Variants in ENTREP2 observed in about 807,000 individuals in gnomAD.
ENTREP2 encodes the protein protein ENTREP2.
At chr15:29,283,794 G>T in the ENTREP2 span, among the ~76,000 whole-genome samples, 3 of 152,308 alleles carry the variant, frequency 2.0e-5, no homozygotes, top group Admixed American at 1.3e-4. Flanking sequence ...AAAAAATGCT[G>T]CCAGAACAGA....
the ENTREP2 span, among the ~76,000 whole-genome samples, chr15:29,369,614 CA>C: frequency 1.0e-4 from 15 of 150,090 alleles, no homozygotes; most frequent in Admixed American, 7.9e-4. Context: ...CACACACACA[CA>C]CCCAGGTGCA....
chr15:29,599,346 G>A, the ENTREP2 span, among the ~76,000 whole-genome samples: 1 of 152,186 alleles, frequency 6.6e-6, no homozygotes, highest in Non-Finnish European at 1.5e-5. Flanking sequence ...GATCACAATG[G>A]TGATGCTCTA....
At chr15:29,528,759 C>G in the ENTREP2 span, among the ~76,000 whole-genome samples, 1 of 152,130 alleles carries the variant, frequency 6.6e-6, no homozygotes, top group East Asian at 1.9e-4. Context: ...GGCCCACTCA[C>G]AGGTAATTCA....
At chr15:29,360,325 C>A in the ENTREP2 span, among the ~76,000 whole-genome samples, 1 of 152,018 alleles carries the variant, frequency 6.6e-6, no homozygotes, top group Non-Finnish European at 1.5e-5. Flanking sequence ...TAGATTTTTT[C>A]TTAATGACTT....
At chr15:29,128,901 C>G in the ENTREP2 span, 6 of 1,475,234 alleles carry the variant, frequency 4.1e-6, no homozygotes, top group Non-Finnish European at 5.5e-6. Context: ...GGCGGCTGGT[C>G]CGTGGGAACG....
chr15:29,128,416 G>T, the ENTREP2 span, among the ~76,000 whole-genome samples: 1 of 152,162 alleles, frequency 6.6e-6, no homozygotes, highest in Non-Finnish European at 1.5e-5. Flanking sequence ...AGAGGGAGGT[G>T]CCGTGTGGAC....
chr15:29,138,076 C>T, the ENTREP2 span, among the ~76,000 whole-genome samples: 14 of 152,130 alleles, frequency 9.2e-5, no homozygotes, highest in African/African-American at 3.1e-4. Context: ...CCCAGCATTT[C>T]TCAAATATTT....
At chr15:29,243,113 G>A in the ENTREP2 span, among the ~76,000 whole-genome samples, 2 of 152,178 alleles carry the variant, frequency 1.3e-5, no homozygotes, top group African/African-American at 2.4e-5. Flanking sequence ...AGTTTATGTT[G>A]TAAGAAGCTC....
chr15:29,380,645 C>T, the ENTREP2 span, among the ~76,000 whole-genome samples: 3 of 152,120 alleles, frequency 2.0e-5, no homozygotes, highest in Non-Finnish European at 4.4e-5. Context: ...CCATCTCCCG[C>T]GTGGCCTGCT....
the ENTREP2 span, among the ~76,000 whole-genome samples, chr15:29,626,338 C>A: frequency 6.6e-6 from 1 of 152,088 alleles, no homozygotes; most frequent in African/African-American, 2.4e-5. Flanking sequence ...GGGCGGTTTC[C>A]CCCATACTGT....
chr15:29,169,246 A>G, the ENTREP2 span, among the ~76,000 whole-genome samples: 1 of 152,182 alleles, frequency 6.6e-6, no homozygotes, highest in Non-Finnish European at 1.5e-5. Flanking sequence ...ACAAAACACC[A>G]TTTTTAAATA....
At chr15:29,251,276 C>A in the ENTREP2 span, among the ~76,000 whole-genome samples, 2 of 152,222 alleles carry the variant, frequency 1.3e-5, no homozygotes, top group South Asian at 2.1e-4. Context: ...CCCAGGGAAC[C>A]ACAGTCCTAT....
At chr15:29,300,296 GTA>G in the ENTREP2 span, among the ~76,000 whole-genome samples, 2 of 41,644 alleles carry the variant, frequency 4.8e-5, no homozygotes, top group Non-Finnish European at 4.9e-5. Flanking sequence ...CGGTAGGTGG[GTA>G]GATGGATGGA....
At chr15:29,491,801 A>G in the ENTREP2 span, among the ~76,000 whole-genome samples, 82 of 152,350 alleles carry the variant, frequency 5.4e-4, no homozygotes, top group African/African-American at 1.9e-3. Flanking sequence ...CAAGTTTCCA[A>G]TCATGGTCAT....
At chr15:29,582,103 G>T in the ENTREP2 span, among the ~76,000 whole-genome samples, 2 of 151,934 alleles carry the variant, frequency 1.3e-5, no homozygotes, top group Non-Finnish European at 2.9e-5. Flanking sequence ...CACCATGCCC[G>T]GCTAATTTTT....
At chr15:29,655,835 G>A in the ENTREP2 span, among the ~76,000 whole-genome samples, 1 of 152,016 alleles carries the variant, frequency 6.6e-6, no homozygotes, top group Non-Finnish European at 1.5e-5. Flanking sequence ...ACACCACCTG[G>A]CCAACATGGC....
chr15:29,364,859 T>C, the ENTREP2 span, among the ~76,000 whole-genome samples: 2 of 152,164 alleles, frequency 1.3e-5, no homozygotes, highest in African/African-American at 2.4e-5. Flanking sequence ...CCTCCGCCAC[T>C]ACCACCAGCC....
chr15:29,381,632 T>C, the ENTREP2 span: 1 of 679,134 alleles, frequency 1.5e-6, no homozygotes, highest in Non-Finnish European at 2.5e-6. Context: ...CCCATCAGCA[T>C]TCAGCAGTGA....
chr15:29,170,678 ACAC>A, the ENTREP2 span, among the ~76,000 whole-genome samples: 1 of 152,102 alleles, frequency 6.6e-6, no homozygotes, highest in Non-Finnish European at 1.5e-5. Context: ...CTGCTGCCCC[ACAC>A]CATGTGAGGA....
Sources: allele counts gnomAD v4.1 joint callset (sites outside exome capture counted in the v4.1 genomes callset), GRCh38; gene constraint gnomAD v4.1.1; transcripts MANE v1.5; gene names NCBI Gene and HGNC (gene_info 2026-07-23, HGNC 2026-07-21).